Variants in PCGF3 observed in about 807,000 individuals in gnomAD.
PCGF3 encodes the protein polycomb group ring finger 3.
A neutral mutation model predicts 33.1 loss-of-function variants in PCGF3; 7 were observed. The observed-to-expected ratio is 0.21, with a 90% CI of 0.12 to 0.40. The LOEUF (loss-of-function observed/expected upper bound fraction) is 0.40, where lower values mean the gene tolerates loss of function less well. Ranked by LOEUF, PCGF3 falls within the 10% of genes least tolerant of loss-of-function variation. PCGF3 has a pLI of 1.00. For synonymous variants in PCGF3, 153 were observed against 121.3 expected, an observed-to-expected ratio of 1.26 and a Z score of -1.72; for missense variants, 211 against 313.3, an observed-to-expected ratio of 0.67 and a Z score of 2.46.
intron 1 of PCGF3, among the ~76,000 whole-genome samples, chr4:717,921 G>A (rs1451198970): frequency 6.6e-6 from 1 of 152,224 alleles, no homozygotes; most frequent in Admixed American, 6.5e-5. Context: ...GAGCCTCTGC[G>A]TCCACTCAGG....
chr4:750,144 C>G (rs1248041122), intron 8 of PCGF3, among the ~76,000 whole-genome samples: 1 of 152,230 alleles, frequency 6.6e-6, no homozygotes, highest in Non-Finnish European at 1.5e-5. Flanking sequence ...TTCCTGTGTG[C>G]TCCTGGCTGC....
At chr4:750,467 C>T (rs914202048) in intron 8 of PCGF3, among the ~76,000 whole-genome samples, 5 of 152,160 alleles carry the variant, frequency 3.3e-5, no homozygotes, top group East Asian at 1.9e-4. Context: ...AAGCGGACCC[C>T]GGGGGCCAGT....
chr4:712,263 C>T (rs577229284), intron 1 of PCGF3, among the ~76,000 whole-genome samples: 1 of 152,302 alleles, frequency 6.6e-6, no homozygotes, highest in South Asian at 2.1e-4. Context: ...GCCAAAATGA[C>T]AAAGAACAAT....
At chr4:730,443 C>G (rs1553844703) in intron 1 of PCGF3, among the ~76,000 whole-genome samples, 187 bp from the exon 2 acceptor site, 2 of 152,130 alleles carry the variant, frequency 1.3e-5, no homozygotes, top group African/African-American at 2.4e-5. Flanking sequence ...CAGAGACGCC[C>G]GACAGGCACC....
chr4:764,174 G>A (rs950484177), intron 9 of PCGF3, among the ~76,000 whole-genome samples: 1 of 152,332 alleles, frequency 6.6e-6, no homozygotes, highest in African/African-American at 2.4e-5. Context: ...CAGGTTCCTG[G>A]GTGGTGACTA....
chr4:742,746 T>C (rs1396926788), intron 6 of PCGF3, among the ~76,000 whole-genome samples: 2 of 152,168 alleles, frequency 1.3e-5, no homozygotes, highest in African/African-American at 2.4e-5. Flanking sequence ...CTGCGGCCCG[T>C]CTGCCGCCGG....
intron 1 of PCGF3, among the ~76,000 whole-genome samples, chr4:725,772 C>T (rs962306688): frequency 2.0e-5 from 3 of 151,994 alleles, no homozygotes; most frequent in Admixed American, 1.3e-4. Flanking sequence ...CTCTTATTTG[C>T]CCAGGGGAAA....
chr4:758,009 T>C lies in PCGF3; in HGVS notation c.463-3270T>C, dbSNP rs577671779. ...TGGTGAAACCCCGTCTCTACTAAAATACAAAAAAATTAGCCGGGCATGATG... is the reference window on the plus strand; with the variant it reads ...TGGTGAAACCCCGTCTCTACTAAAACACAAAAAAATTAGCCGGGCATGATG... On this transcript the variant is annotated intron_variant, in intron 8 of 10. Transcript: ENST00000362003. Among the ~76,000 whole-genome samples the C allele has an allele frequency of 2.4e-3, 359 of 151,646 alleles. 2 individuals carry two copies. The highest frequency in any genetic ancestry group is 4.0e-3 in the Non-Finnish European group (273 of 67,854).
rs541407585 is a variant in PCGF3 at position 751,022 on chromosome 4, T to G, written c.462+6334T>G. Among the ~76,000 whole-genome samples the G allele has an allele frequency of 9.9e-5, 15 of 151,994 alleles. No homozygotes were observed. In the South Asian group the frequency reaches 3.1e-3, roughly 32 times the overall value. On this transcript the variant is annotated intron_variant, in intron 8 of 10. Transcript: ENST00000362003. ...CTCAGGTTCTCTTTGATAGGAGAGTTTAACCCGTTGTCTTTGTTGTGAGAA... is the reference window on the plus strand; with the variant it reads ...CTCAGGTTCTCTTTGATAGGAGAGTGTAACCCGTTGTCTTTGTTGTGAGAA...
intron 3 of PCGF3, among the ~76,000 whole-genome samples, chr4:732,667 G>T (rs917144354): frequency 6.6e-6 from 1 of 152,148 alleles, no homozygotes; most frequent in Non-Finnish European, 1.5e-5. Flanking sequence ...AGAGCTCCAG[G>T]CTGGGCCTCT....
chr4:737,581 C>T (rs1463498724), intron 6 of PCGF3, 60 bp downstream of exon 6: 2 of 1,082,572 alleles, frequency 1.8e-6, no homozygotes, highest in Non-Finnish European at 2.8e-6. Flanking sequence ...GCAGCCCCTG[C>T]TCTCCTGGAA....
intron 8 of PCGF3, among the ~76,000 whole-genome samples, chr4:752,883 G>A (rs1394465140): frequency 6.6e-6 from 1 of 152,260 alleles, no homozygotes; most frequent in African/African-American, 2.4e-5. Flanking sequence ...CAGAGCCTCG[G>A]GATTGCCAGT....
At chr4:715,403 G>A (rs1312012866) in intron 1 of PCGF3, among the ~76,000 whole-genome samples, 2 of 143,408 alleles carry the variant, frequency 1.4e-5, no homozygotes, top group Admixed American at 1.4e-4. Flanking sequence ...CTGGGACCCT[G>A]TAGACACTGA....
chr4:770,079 G>A (rs1008413698), exon 11 of PCGF3: 4 of 152,484 alleles, frequency 2.6e-5, no homozygotes. Context: ...AAAAGCAAAA[G>A]AAAAGCTTAA....
chr4:755,027 G>C (rs1744705751), intron 8 of PCGF3, among the ~76,000 whole-genome samples: 1 of 152,234 alleles, frequency 6.6e-6, no homozygotes, highest in Admixed American at 6.5e-5. Context: ...GCCATAGACA[G>C]CGACAGGTCT....
At chr4:719,783 C>T (rs1490708606) in intron 1 of PCGF3, among the ~76,000 whole-genome samples, 4 of 152,108 alleles carry the variant, frequency 2.6e-5, no homozygotes, top group Admixed American at 1.3e-4. Flanking sequence ...TGGAGGCATC[C>T]GGTGGTCTGG....
chr4:737,913 G>T (rs1411970936), intron 6 of PCGF3, among the ~76,000 whole-genome samples: 1 of 152,210 alleles, frequency 6.6e-6, no homozygotes, highest in African/African-American at 2.4e-5. Flanking sequence ...GGCATAGCGG[G>T]TAGCTGGTGT....
In PCGF3 at chr4:719,688, C is replaced by T. The variant is rs75808916; in HGVS notation, c.-189-10942C>T. Among the ~76,000 whole-genome samples the T allele has an allele frequency of 7.8e-3, 1,184 of 152,278 alleles. 16 individuals carry two copies. The highest frequency in any genetic ancestry group is 0.026 in the African/African-American group (1,078 of 41,558). ...CTACAGTGGAGCTGGAGGGGCAGGA[C>T]GGTGCAGGGCGGTGCAGGCAGGGTG... On this transcript the variant is annotated intron_variant, in intron 1 of 10. Transcript: ENST00000362003.
intron 1 of PCGF3, among the ~76,000 whole-genome samples, chr4:724,397 C>G (rs1372371699): frequency 6.6e-6 from 1 of 152,262 alleles, no homozygotes; most frequent in East Asian, 1.9e-4. Context: ...ACGGAGCACC[C>G]TGGTGGACAG....
Sources: gnomAD v4.1 joint callset for allele counts (sites outside exome capture counted in the v4.1 genomes callset) on GRCh38, gnomAD v4.1.1 for gene constraint, MANE v1.5 for transcripts, NCBI Gene and HGNC (gene_info 2026-07-23, HGNC 2026-07-21) for gene names.